The following NOMO2 variants were observed in gnomAD, a reference collection of about 807,000 sequenced individuals.
The protein encoded by NOMO2 is NODAL modulator 2.
In NOMO2, 14 loss-of-function variants were observed where a neutral mutation model predicts 67.1. The ratio of observed to expected loss-of-function variants is 0.21; its 90% CI spans 0.14 to 0.33. The LOEUF is 0.33. Among genes scored for constraint, NOMO2 ranks in the 10% least tolerant of loss-of-function variants. The pLI is 1.00. For synonymous variants in NOMO2, 80 were observed against 305.9 expected (o/e 0.26, Z 7.71); for missense variants, 178 against 761.0 (o/e 0.23, Z 9.01).
At chr16:18,558,046 T>C (rs1222436899) in intron 1 of NOMO2, among the ~76,000 whole-genome samples, 1 of 151,060 alleles carries the variant, frequency 6.6e-6, no homozygotes, top group African/African-American at 2.4e-5. Flanking sequence ...TCCTGTTTAT[T>C]TTAGTGGCTG....
intron 6 of NOMO2, among the ~76,000 whole-genome samples, chr16:18,545,162 C>G (rs1405840332): frequency 6.8e-6 from 1 of 146,968 alleles, no homozygotes; most frequent in African/African-American, 2.5e-5. Flanking sequence ...GTGGTGCAAT[C>G]TTGGCTCACT....
intron 6 of NOMO2, among the ~76,000 whole-genome samples, chr16:18,544,767 T>C (rs1265869549): frequency 6.6e-6 from 1 of 151,800 alleles, no homozygotes; most frequent in African/African-American, 2.4e-5. Flanking sequence ...TTTCACAATA[T>C]GTGTATATTT....
chr16:18,529,312 A>G (rs1311803991), intron 15 of NOMO2, 189 bp downstream of exon 15: 2 of 672,848 alleles, frequency 3.0e-6, no homozygotes, highest in Non-Finnish European at 5.3e-6. Context: ...CCTCCTAAAT[A>G]CAGGGGTCCT....
At position 18,558,704 on chromosome 16, in the gene NOMO2, T is replaced by C. The variant is rs1011327505; in HGVS notation, c.166-913A>G. The C allele has an allele frequency of 1.4e-3, 508 of 373,620 alleles. 3 individuals are homozygous for C. The highest frequency in any genetic ancestry group is 2.3e-3 in the Non-Finnish European group (415 of 179,318). The allele number at this position is 373,620 out of a possible 1,614,324, so 23.1% of individuals were successfully genotyped here. A position where few individuals can be genotyped will look rare whatever the true frequency, so the allele number is the denominator to read the frequency against. The stretch of plus-strand genomic sequence containing the variant: ...TCTGAGCATTACCAGACACGAAGTG[T>C]TAACCCAGTAAGATGCCCAAATGCC... On this transcript the variant is annotated intron_variant, in intron 1 of 30. Coordinates refer to ENST00000622306, the MANE Select transcript of NOMO2 (RefSeq NM_173614.4).
intron 1 of NOMO2, among the ~76,000 whole-genome samples, chr16:18,560,766 A>G (rs1188371478): frequency 5.3e-5 from 8 of 151,912 alleles, no homozygotes; most frequent in South Asian, 4.2e-4. Flanking sequence ...CGCAGAGCTG[A>G]TGGGGTGTGG....
chr16:18,531,340 A>C (rs1382807191), intron 13 of NOMO2, 126 bp downstream of exon 13: 1 of 1,448,934 alleles, frequency 6.9e-7, no homozygotes, highest in Admixed American at 1.9e-5. Context: ...TGACTCCAAG[A>C]AGCCTCCCTC....
chr16:18,548,569 A>G (rs1265518666), intron 5 of NOMO2, among the ~76,000 whole-genome samples: 1 of 151,868 alleles, frequency 6.6e-6, no homozygotes, highest in East Asian at 1.9e-4. Flanking sequence ...ATATACATCC[A>G]TTAAATAAAT....
chr16:18,528,382 A>G (rs28454644), intron 15 of NOMO2, among the ~76,000 whole-genome samples: 231 of 152,096 alleles, frequency 1.5e-3, no homozygotes, highest in African/African-American at 5.1e-3. Context: ...TCGATCTCCT[A>G]TAACAAATCG....
intron 15 of NOMO2, among the ~76,000 whole-genome samples, chr16:18,528,982 A>ATATATAT (rs1901220091): frequency 1.0e-5 from 1 of 99,666 alleles, no homozygotes; most frequent in African/African-American, 3.6e-5. Context: ...AAAAAAAAAA[A>ATATATAT]AAAAAAATAC....
At position 18,537,004 on chromosome 16, in the gene NOMO2, T is replaced by A. The variant is rs1901439236; in HGVS notation, c.1220+1522A>T. Among the ~76,000 whole-genome samples, 6 of 151,972 alleles carry A rather than the reference T, an allele frequency of 3.9e-5. No individual in the cohort carries two copies. In the South Asian group the frequency reaches 1.0e-3, roughly 26 times the overall value. On this transcript the variant is annotated intron_variant, in intron 11 of 30. Coordinates refer to ENST00000622306, the MANE Select transcript of NOMO2 (RefSeq NM_173614.4). ...TACCTCCTACCCCAAACTTACTTTC[T>A]TAGCTCCTATGACCTCACGCTCCCT...
chr16:18,553,438 T>C (rs1214334114), intron 3 of NOMO2, among the ~76,000 whole-genome samples: 1 of 151,448 alleles, frequency 6.6e-6, no homozygotes, highest in Admixed American at 6.6e-5. Context: ...CCCTGCATGA[T>C]AGCATTTGTA....
chr16:18,533,095 A>G lies in NOMO2; in HGVS notation c.1305T>C (p.Ser435=). ...TGACCAAAGACTTGTCCTTGTCTTG[A>G]GATGACAGGACAACTTTGTATTTAT... ...QMNKYKVVLS[S]QDKDKSLVTV... is the part of the protein sequence containing the mutation. Residue 435 remains serine (S), a synonymous_variant, in exon 12 of 31, where the codon TCT becomes TCC. Coordinates refer to ENST00000622306, the MANE Select transcript of NOMO2 (RefSeq NM_173614.4). 1 of 1,611,078 alleles carries G rather than the reference A, an allele frequency of 6.2e-7. No individual in the cohort carries two copies. Among genetic ancestry groups the G allele is most frequent in the Non-Finnish European group, 8.5e-7 (1 of 1,179,638 alleles).
At chr16:18,537,096 A>G (rs1444385220) in intron 11 of NOMO2, among the ~76,000 whole-genome samples, 1 of 151,962 alleles carries the variant, frequency 6.6e-6, no homozygotes, top group African/African-American at 2.4e-5. Context: ...ACTTGCACAT[A>G]CATATTTGAG....
chr16:18,535,559 C>T (rs1287085409), intron 11 of NOMO2, among the ~76,000 whole-genome samples: 1 of 151,934 alleles, frequency 6.6e-6, no homozygotes, highest in African/African-American at 2.4e-5. Flanking sequence ...CTCAACAGCA[C>T]AGGCCTGTGG....
chr16:18,539,859 G>A (rs367684104), intron 9 of NOMO2, among the ~76,000 whole-genome samples: 26 of 152,232 alleles, frequency 1.7e-4, no homozygotes, highest in Non-Finnish European at 2.8e-4. Flanking sequence ...TGCCCCACTT[G>A]CCTGTGAGCA....
chr16:18,526,081 G>A (rs959057447), intron 16 of NOMO2, among the ~76,000 whole-genome samples: 2 of 151,778 alleles, frequency 1.3e-5, no homozygotes, highest in African/African-American at 4.8e-5. Flanking sequence ...AGAGTGGCTG[G>A]AGTAGAGACA....
chr16:18,554,239 A>G (rs1289527116), intron 3 of NOMO2, among the ~76,000 whole-genome samples: 1 of 151,954 alleles, frequency 6.6e-6, no homozygotes, highest in Non-Finnish European at 1.5e-5. Context: ...GTATTGGTTT[A>G]TTAATCCTCC....
Position 18,546,394 on chromosome 16 carries a change from G to A in NOMO2, c.582+834C>T, listed in dbSNP as rs1471768918. Among the ~76,000 whole-genome samples the A allele has an allele frequency of 4.1e-5, 2 of 48,294 alleles. 1 individual carries two copies. The highest frequency in any genetic ancestry group is 6.1e-3 in the East Asian group (2 of 330). The allele number at this position is 48,294 out of a possible 152,430, so 31.7% of individuals were successfully genotyped here. On this transcript the variant is annotated intron_variant, in intron 6 of 30. Coordinates refer to ENST00000622306, the MANE Select transcript of NOMO2 (RefSeq NM_173614.4). ...GTGGATCATTTGAGGCTAGGAGTTC[G>A]AGACCAGCCTGGCCAACATGGCAAA... is the stretch of plus-strand genomic sequence containing the variant.
intron 15 of NOMO2, chr16:18,528,052 C>G (rs1401388926): frequency 2.1e-6 from 1 of 468,518 alleles, no homozygotes. Flanking sequence ...GCACATCTCT[C>G]CTGAACAATA....
Sources: gnomAD v4.1 joint callset for allele counts (sites outside exome capture counted in the v4.1 genomes callset) on GRCh38, gnomAD v4.1.1 for gene constraint, MANE v1.5 for transcripts, NCBI Gene and HGNC (gene_info 2026-07-23, HGNC 2026-07-21) for gene names.